Variants in TLN2 observed in about 807,000 individuals in gnomAD.
TLN2 encodes the protein talin 2, also known as talin-2.
Under a neutral mutation model 294.7 loss-of-function variants are expected in TLN2, and 118 were observed. That is an observed-to-expected ratio of 0.40 (90% confidence interval 0.34 to 0.47). The LOEUF is 0.47. Among genes scored for constraint, TLN2 ranks in the 20% least tolerant of loss-of-function variants. The probability of loss-of-function intolerance (pLI) is 0.84; values close to 1 mark genes in which losing one functional copy is unlikely to be tolerated. For missense variants in TLN2, 3,083 were observed against 3,282.2 expected (o/e 0.94, Z 1.48); for synonymous variants, 1,431 against 1,304.5 (o/e 1.10, Z -2.09).
intron 1 of TLN2, among the ~76,000 whole-genome samples, chr15:62,393,171 T>C (rs2032241360): frequency 1.3e-5 from 2 of 152,200 alleles, no homozygotes; most frequent in Admixed American, 1.3e-4. Context: ...TCTCTTCATA[T>C]TGGGGAAGCC....
chr15:62,535,168 A>G lies in TLN2; in HGVS notation c.-237-54519A>G, dbSNP rs548665519. Among the ~76,000 whole-genome samples, 151 of 152,278 alleles carry G rather than the reference A, an allele frequency of 9.9e-4. 1 individual carries two copies. The highest frequency in any genetic ancestry group is 3.6e-3 in the African/African-American group (148 of 41,556). On this transcript the variant is annotated intron_variant, in intron 1 of 58. Coordinates refer to ENST00000636159, the MANE Select transcript of TLN2 (RefSeq NM_015059.3). ...TCCTTTGTGTTAGCTGTGTGTTAAG[A>G]ACACTTGCTGTTATTCTTCCTACTG...
chr15:62,408,580 G>A lies in TLN2; in HGVS notation c.-238+17895G>A, dbSNP rs186697603. Among the ~76,000 whole-genome samples the A allele has an allele frequency of 1.3e-3, 203 of 152,284 alleles. 1 individual carries two copies. Among genetic ancestry groups the A allele is most frequent in the Non-Finnish European group, 1.8e-4 (12 of 68,032 alleles). On this transcript the variant is annotated intron_variant, in intron 1 of 58. Transcript: ENST00000636159. ...CACTAGCCTGTAGATTCTAACCCATGTTCAGGACCAATATCCAAATTATTT... is the reference window on the plus strand; with the variant it reads ...CACTAGCCTGTAGATTCTAACCCATATTCAGGACCAATATCCAAATTATTT...
At chr15:62,625,118 C>T (rs530872266) in intron 3 of TLN2, among the ~76,000 whole-genome samples, 3 of 152,206 alleles carry the variant, frequency 2.0e-5, no homozygotes, top group South Asian at 2.1e-4. Context: ...GGGGAAGTAG[C>T]GTGAGGACCC....
intron 13 of TLN2, among the ~76,000 whole-genome samples, chr15:62,693,410 C>A (rs2058079643): frequency 6.6e-6 from 1 of 152,108 alleles, no homozygotes. Context: ...CCTCAAGATC[C>A]TTTGAGAATT....
chr15:62,797,493 C>A, intron 48 of TLN2, 91 bp downstream of exon 48: 1 of 1,404,794 alleles, frequency 7.1e-7, no homozygotes, highest in South Asian at 1.5e-5. Context: ...AGAACAGGAA[C>A]TTTTGAAGTA....
chr15:62,655,002 ACAT>A (rs1302381491), intron 7 of TLN2, among the ~76,000 whole-genome samples: 2 of 151,036 alleles, frequency 1.3e-5, no homozygotes, highest in South Asian at 4.2e-4. Context: ...TATCGGGATG[ACAT>A]CATTATTGCC....
At chr15:62,721,916 C>T (rs925168498) in intron 25 of TLN2, among the ~76,000 whole-genome samples, 8 of 152,108 alleles carry the variant, frequency 5.3e-5, no homozygotes, top group African/African-American at 1.7e-4. Flanking sequence ...CCTTCACTGG[C>T]GAAGTTATTT....
intron 1 of TLN2, among the ~76,000 whole-genome samples, chr15:62,485,743 A>G (rs964845892): frequency 6.6e-6 from 1 of 152,000 alleles, no homozygotes; most frequent in African/African-American, 2.4e-5. Flanking sequence ...TGAGCTCCTC[A>G]CCGCTTCCTG....
intron 57 of TLN2, among the ~76,000 whole-genome samples, chr15:62,837,421 G>A (rs2141262806): frequency 6.6e-6 from 1 of 152,220 alleles, no homozygotes; most frequent in South Asian, 2.1e-4. Flanking sequence ...AACTTTTCAG[G>A]GGTTTCATCT....
Position 62,776,909 on chromosome 15 carries a change from A to T in TLN2, c.5513A>T (p.Lys1838Met). Residue 1838 changes from lysine to methionine, a missense_variant and splice_region_variant, in exon 43 of 59, where the codon AAG becomes ATG. By Grantham distance (95) the Lys-to-Met change is moderately conservative. Transcript: ENST00000636159. ...MVDAIAEAMSKLDEGTPPEPK... is the reference protein window; with the variant it reads ...MVDAIAEAMSMLDEGTPPEPK... ...GACGCCATTGCAGAAGCCATGAGCA[A>T]GGTGGGCATGGGCTCTAGGGCTCTC... is the stretch of plus-strand genomic sequence containing the variant. 6.4e-7 allele frequency: 1 copy of T among 1,569,842 alleles called. No homozygotes were observed. The highest frequency in any genetic ancestry group is 8.6e-7 in the Non-Finnish European group (1 of 1,156,572).
At chr15:62,470,919 A>G (rs1444711925) in intron 1 of TLN2, among the ~76,000 whole-genome samples, 1 of 152,270 alleles carries the variant, frequency 6.6e-6, no homozygotes, top group Admixed American at 6.5e-5. Flanking sequence ...GTAGCAAAAT[A>G]TAATTCTGGG....
At chr15:62,681,145 G>C (rs1015029221) in intron 11 of TLN2, among the ~76,000 whole-genome samples, 1 of 152,108 alleles carries the variant, frequency 6.6e-6, no homozygotes, top group Non-Finnish European at 1.5e-5. Flanking sequence ...AGCTTTTAAG[G>C]AATCTCTATA....
chr15:62,831,289 T>G (rs1868424299), intron 54 of TLN2: 1 of 151,976 alleles, frequency 6.6e-6, no homozygotes, highest in African/African-American at 2.4e-5. Flanking sequence ...CGTGAGAGAC[T>G]TCAGGAGCCG....
At chr15:62,723,248 T>C (rs2060250967) in intron 26 of TLN2, among the ~76,000 whole-genome samples, 1 of 152,222 alleles carries the variant, frequency 6.6e-6, no homozygotes, top group Non-Finnish European at 1.5e-5. Flanking sequence ...CTTTAGACTA[T>C]AGCCAATAAA....
chr15:62,723,812 A>T (rs1481120262), intron 26 of TLN2, among the ~76,000 whole-genome samples: 1 of 151,570 alleles, frequency 6.6e-6, no homozygotes, highest in African/African-American at 2.4e-5. Flanking sequence ...AGCCTCCCAA[A>T]GTGTTAGGAT....
intron 1 of TLN2, among the ~76,000 whole-genome samples, chr15:62,564,915 A>ATATAT (rs1555430800): frequency 6.5e-5 from 8 of 123,908 alleles, no homozygotes; most frequent in African/African-American, 2.7e-4. Flanking sequence ...CAAAAAAAAA[A>ATATAT]AAAAAAAAAA....
chr15:62,816,211 C>T (rs2067103520), intron 52 of TLN2, among the ~76,000 whole-genome samples: 1 of 152,232 alleles, frequency 6.6e-6, no homozygotes, highest in Admixed American at 6.5e-5. Context: ...GCCCCGAGAG[C>T]TGCTTTATGA....
At chr15:62,580,312 C>A (rs147215172) in intron 1 of TLN2, among the ~76,000 whole-genome samples, 1 of 152,166 alleles carries the variant, frequency 6.6e-6, no homozygotes, top group Non-Finnish European at 1.5e-5. Flanking sequence ...TAGGGTGGTA[C>A]ATTTGTTATA....
intron 40 of TLN2, 79 bp downstream of exon 40, chr15:62,763,774 A>C: frequency 6.9e-7 from 1 of 1,454,212 alleles, no homozygotes; most frequent in East Asian, 2.5e-5. Context: ...GGAGGGGTAG[A>C]GGTTGTAGGG....
Sources: gnomAD v4.1 joint callset for allele counts (sites outside exome capture counted in the v4.1 genomes callset) on GRCh38, gnomAD v4.1.1 for gene constraint, MANE v1.5 for transcripts, NCBI Gene and HGNC (gene_info 2026-07-23, HGNC 2026-07-21) for gene names.